Variants in NBPF20 observed in about 807,000 individuals in gnomAD.
NBPF20 encodes NBPF family member NBPF20.
In NBPF20, 90 loss-of-function variants were observed where a neutral mutation model predicts 68.1. The ratio of observed to expected loss-of-function variants is 1.32; its 90% CI spans 1.11 to 1.58. The LOEUF (loss-of-function observed/expected upper bound fraction) is 1.58, where lower values mean the gene tolerates loss of function less well. Among genes scored for constraint, NBPF20 ranks in the 40% most tolerant of loss-of-function variants. NBPF20 has a pLI of 0.00. For synonymous variants in NBPF20, 290 were observed against 228.1 expected (o/e 1.27, Z -2.45); for missense variants, 816 against 601.2 (o/e 1.36, Z -3.74).
At chr1:145,292,644 T>A (rs1264513240) in intron 136 of NBPF20, among the ~76,000 whole-genome samples, 155 bp from the exon 142 acceptor site, 14 of 148,356 alleles carry the variant, frequency 9.4e-5, no homozygotes, top group African/African-American at 3.4e-4. Flanking sequence ...AGGCTGTTCA[T>A]GATAGAACTT....
chr1:145,423,975 C>CTTT, the NBPF20 span, among the ~76,000 whole-genome samples: 1 of 133,426 alleles, frequency 7.5e-6, no homozygotes, highest in Non-Finnish European at 1.6e-5. Flanking sequence ...ATTACCTGTA[C>CTTT]TTTTTTTTTT....
chr1:145,410,798 GTATATGTATATATATACGTA>G, the NBPF20 span, among the ~76,000 whole-genome samples: 6 of 75,754 alleles, frequency 7.9e-5, no homozygotes, highest in South Asian at 4.1e-4. Flanking sequence ...ATATATATAC[GTATATGTATATATATACGTA>G]TATATATATA....
chr1:145,410,926 C>CAT, the NBPF20 span, among the ~76,000 whole-genome samples: 258 of 123,610 alleles, frequency 2.1e-3, 2 homozygotes, highest in Non-Finnish European at 3.0e-3. Flanking sequence ...TGTGTGTATA[C>CAT]ATATATATAT....
At chr1:145,423,911 C>A in the NBPF20 span, among the ~76,000 whole-genome samples, 4 of 151,506 alleles carry the variant, frequency 2.6e-5, no homozygotes, top group African/African-American at 7.3e-5. Context: ...AAATATACCC[C>A]AGTCTAGTAA....
At chr1:145,340,661 T>A in intron 76 of NBPF20, 106 bp downstream of exon 81, 2 of 52,810 alleles carry the variant, frequency 3.8e-5, no homozygotes, top group East Asian at 5.4e-4. Context: ...AGGACCTCCC[T>A]GTGGCAATGA....
At chr1:145,419,356 C>T in the NBPF20 span, among the ~76,000 whole-genome samples, 455 of 152,304 alleles carry the variant, frequency 3.0e-3, 2 homozygotes, top group African/African-American at 9.9e-3. Context: ...TGGAGACAGA[C>T]GCACTACTGT....
chr1:145,423,733 C>T, the NBPF20 span, among the ~76,000 whole-genome samples: 1 of 150,964 alleles, frequency 6.6e-6, no homozygotes, highest in East Asian at 1.9e-4. Flanking sequence ...ATTACTGCAC[C>T]CCTACTAGAA....
chr1:145,419,818 G>C, the NBPF20 span, among the ~76,000 whole-genome samples: 15 of 152,166 alleles, frequency 9.9e-5, no homozygotes, highest in African/African-American at 3.6e-4. Flanking sequence ...GTACCTAATA[G>C]TCACCCCATG....
At chr1:145,405,049 G>C (rs1553666708) in intron 2 of NBPF20, 49 bp downstream of exon 7, 2 of 1,612,246 alleles carry the variant, frequency 1.2e-6, no homozygotes, top group East Asian at 2.2e-5. Flanking sequence ...TGTCTCAGAA[G>C]ACAGGACATC....
intron 3 of NBPF20, 38 bp downstream of exon 8, chr1:145,403,178 C>G: frequency 1.2e-6 from 2 of 1,611,566 alleles, no homozygotes; most frequent in Non-Finnish European, 1.7e-6. Flanking sequence ...GAGATTTACA[C>G]ACCTGCCCCC....
chr1:145,292,119 C>A (rs1384587422), intron 137 of NBPF20, among the ~76,000 whole-genome samples: 2 of 149,712 alleles, frequency 1.3e-5, no homozygotes, highest in East Asian at 1.9e-4. Context: ...AATAGTTTTC[C>A]ATAAAATATG....
upstream of NBPF20, chr1:145,405,843 T>C (rs1299231540): frequency 4.5e-6 from 1 of 221,856 alleles, no homozygotes; most frequent in Non-Finnish European, 8.8e-6. Context: ...CCCAACAGGT[T>C]ATATTTTCTT....
upstream of NBPF20, among the ~76,000 whole-genome samples, chr1:145,410,315 T>C (rs1239806096): frequency 6.6e-6 from 1 of 150,964 alleles, no homozygotes; most frequent in Non-Finnish European, 1.5e-5. Context: ...TTCATGTATC[T>C]TCTTTTTTTT....
chr1:145,366,619 G>A (rs1661702873), intron 43 of NBPF20, among the ~76,000 whole-genome samples: 3 of 76,782 alleles, frequency 3.9e-5, no homozygotes, highest in South Asian at 8.6e-4. Flanking sequence ...GAGAGAACGA[G>A]CTCAGTGAAT....
intron 3 of NBPF20, 102 bp from the exon 9 acceptor site, chr1:145,402,483 G>C (rs1553665659): frequency 4.0e-6 from 5 of 1,237,152 alleles, no homozygotes; most frequent in East Asian, 2.3e-5. Flanking sequence ...AGGAGACCTC[G>C]AAGCAGAAGG....
chr1:145,410,312 ATCT>A (rs756729380), upstream of NBPF20, among the ~76,000 whole-genome samples: 51 of 149,542 alleles, frequency 3.4e-4, 1 homozygote, highest in Non-Finnish European at 4.4e-4. Flanking sequence ...CCATTCATGT[ATCT>A]TCTTTTTTTT....
intron 7 of NBPF20, among the ~76,000 whole-genome samples, chr1:145,395,693 A>C (rs1662199644): frequency 6.7e-6 from 1 of 149,084 alleles, no homozygotes; most frequent in African/African-American, 2.6e-5. Flanking sequence ...AGGCAACACC[A>C]AGAAATCCCT....
exon 6 of NBPF20, chr1:145,400,472 G>T (rs1662468569): frequency 6.2e-7 from 1 of 1,613,160 alleles, no homozygotes; most frequent in Non-Finnish European, 8.5e-7. Context: ...TTCCTCAAAT[G>T]TGATTTTGGT....
chr1:145,409,775 A>T (rs1662935682), upstream of NBPF20, among the ~76,000 whole-genome samples: 4 of 152,076 alleles, frequency 2.6e-5, no homozygotes, highest in Admixed American at 2.6e-4. Flanking sequence ...GATTAAAAGA[A>T]GTTAATCATT....
Sources: gnomAD v4.1 joint callset for allele counts (sites outside exome capture counted in the v4.1 genomes callset) on GRCh38, gnomAD v4.1.1 for gene constraint, MANE v1.5 for transcripts, NCBI Gene and HGNC (gene_info 2026-07-23, HGNC 2026-07-21) for gene names.